KLF8: variants seen among roughly 807,000 people sequenced by gnomAD.
The protein encoded by KLF8 is Krueppel-like factor 8.
A neutral mutation model predicts 18.2 loss-of-function variants in KLF8; 10 were observed. The ratio of observed to expected loss-of-function variants is 0.55; its 90% confidence interval spans 0.34 to 0.93. KLF8 has a LOEUF of 0.93. KLF8 is among the 40% of genes least tolerant of loss of function. The probability of loss-of-function intolerance (pLI) is 0.02; values close to 1 mark genes in which losing one functional copy is unlikely to be tolerated. For missense variants in KLF8, 264 were observed against 277.9 expected (o/e 0.95, Z 0.36); for synonymous variants, 109 against 97.3 (o/e 1.12, Z -0.71).
At chrX:56,252,813 T>C (rs1217613226) in intron 2 of KLF8, among the ~76,000 whole-genome samples, 1 of 112,423 alleles carries the variant, frequency 8.9e-6, no homozygotes, top group Non-Finnish European at 1.9e-5. Flanking sequence ...TTCTCCATAG[T>C]GGCTGTACTA....
the KLF8 span, among the ~76,000 whole-genome samples, chrX:56,159,580 A>G: frequency 8.9e-6 from 1 of 112,432 alleles, no homozygotes; most frequent in African/African-American, 3.2e-5. Flanking sequence ...TTATTGGTCC[A>G]TTCAGAGATT....
chrX:56,127,930 A>G, the KLF8 span, among the ~76,000 whole-genome samples: 1 of 111,718 alleles, frequency 9.0e-6, no homozygotes, highest in East Asian at 2.8e-4. Flanking sequence ...ATTATGCTCA[A>G]CGCTATACTA....
the KLF8 span, among the ~76,000 whole-genome samples, chrX:56,028,480 GC>G: frequency 9.0e-6 from 1 of 111,405 alleles, no homozygotes; most frequent in African/African-American, 3.3e-5. Flanking sequence ...GCAAATCTGA[GC>G]TTTCTTCTTG....
the KLF8 span, among the ~76,000 whole-genome samples, chrX:56,173,433 G>A: frequency 9.0e-6 from 1 of 111,299 alleles, no homozygotes; most frequent in Non-Finnish European, 1.9e-5. Context: ...ATTTCTGAAG[G>A]CTCTGTTCTG....
At chrX:56,214,336 A>G in the KLF8 span, among the ~76,000 whole-genome samples, 2 of 112,243 alleles carry the variant, frequency 1.8e-5, no homozygotes, top group East Asian at 5.6e-4. Flanking sequence ...TCCTGTCCCT[A>G]TCACTGTTTT....
the KLF8 span, among the ~76,000 whole-genome samples, chrX:56,110,591 C>T: frequency 9.0e-6 from 1 of 111,448 alleles, no homozygotes; most frequent in Non-Finnish European, 1.9e-5. Context: ...TTTTGATTCC[C>T]TTCTAATTTT....
At chrX:56,168,306 A>T in the KLF8 span, among the ~76,000 whole-genome samples, 1 of 111,772 alleles carries the variant, frequency 8.9e-6, no homozygotes, top group Non-Finnish European at 1.9e-5. Context: ...TTCTATGGAC[A>T]ATAGTATCAA....
At chrX:55,946,827 G>T in the KLF8 span, among the ~76,000 whole-genome samples, 1 of 111,211 alleles carries the variant, frequency 9.0e-6, no homozygotes, top group East Asian at 2.8e-4. Context: ...GTGGGCAAAG[G>T]ACATGAACAG....
At chrX:56,034,802 C>T in the KLF8 span, among the ~76,000 whole-genome samples, 1 of 80,569 alleles carries the variant, frequency 1.2e-5, no homozygotes, top group African/African-American at 4.7e-5. Flanking sequence ...GTGGCCCAGG[C>T]TGGAGTGCAG....
At chrX:55,967,090 A>G in the KLF8 span, among the ~76,000 whole-genome samples, 1 of 111,815 alleles carries the variant, frequency 8.9e-6, no homozygotes, top group Non-Finnish European at 1.9e-5. Flanking sequence ...GGACAAGAAT[A>G]AAAATAAAGA....
the KLF8 span, among the ~76,000 whole-genome samples, chrX:56,081,144 C>G: frequency 8.1e-5 from 9 of 111,538 alleles, no homozygotes; most frequent in African/African-American, 2.9e-4. Context: ...CTTCTCTCAG[C>G]TTGTCAAAGT....
Position 56,265,729 on chromosome X carries a change from A to C in KLF8, c.631A>C (p.Lys211Gln), listed in dbSNP as rs1484964264. 7 of 1,198,926 alleles carry C rather than the reference A, an allele frequency of 5.8e-6. No individual in the cohort carries two copies. The highest frequency in any genetic ancestry group is 7.8e-6 in the Non-Finnish European group (7 of 892,368). ...AGTCCCACTCATTGGAGGAGATGGTAAAAATGCTGGATCAGGTAAGTAACA... is the reference window on the plus strand; with the variant it reads ...AGTCCCACTCATTGGAGGAGATGGTCAAAATGCTGGATCAGGTAAGTAACA... ...ITVPLIGGDG[K>Q]NAGSVKVDPT... The change falls in exon 3 of 6, where the codon AAA (lysine) becomes CAA (glutamine). Residue 211 changes from lysine to glutamine, a missense_variant. By Grantham distance (53) the Lys-to-Gln change is moderately conservative. Coordinates refer to ENST00000468660, the MANE Select transcript of KLF8 (RefSeq NM_007250.5).
the KLF8 span, among the ~76,000 whole-genome samples, chrX:56,164,128 G>A: frequency 1.0e-5 from 1 of 98,362 alleles, no homozygotes; most frequent in East Asian, 3.2e-4. Context: ...TTAAACAACA[G>A]CAAGAACAAA....
chrX:56,153,787 C>G, the KLF8 span, among the ~76,000 whole-genome samples: 1 of 111,284 alleles, frequency 9.0e-6, no homozygotes, highest in Non-Finnish European at 1.9e-5. Flanking sequence ...ACACCAATAA[C>G]AGACAAACAG....
the KLF8 span, among the ~76,000 whole-genome samples, chrX:56,202,060 C>A: frequency 1.8e-5 from 2 of 111,096 alleles, no homozygotes; most frequent in Non-Finnish European, 3.8e-5. Context: ...ACTTGACTTG[C>A]AAGTATCTGA....
the KLF8 span, among the ~76,000 whole-genome samples, chrX:56,129,373 G>A: frequency 8.9e-6 from 1 of 112,136 alleles, no homozygotes; most frequent in African/African-American, 3.2e-5. Context: ...GTGGGAAAGG[G>A]GGATTGTCCA....
the KLF8 span, among the ~76,000 whole-genome samples, chrX:56,040,037 G>A: frequency 9.1e-6 from 1 of 110,490 alleles, no homozygotes. Flanking sequence ...GCCTGTTATT[G>A]GTGCATAGGA....
the KLF8 span, among the ~76,000 whole-genome samples, chrX:56,058,469 C>T: frequency 9.1e-3 from 933 of 102,627 alleles, 8 homozygotes; most frequent in African/African-American, 0.032. Context: ...AGGTATTTCT[C>T]CTAATGCTCT....
At chrX:56,280,046 G>A (rs1205967244) in intron 5 of KLF8, among the ~76,000 whole-genome samples, 1 of 111,434 alleles carries the variant, frequency 9.0e-6, no homozygotes, top group Admixed American at 9.5e-5. Context: ...AAGACTCTTT[G>A]CTTATCTGCA....
Sources: gnomAD v4.1 joint callset for allele counts (sites outside exome capture counted in the v4.1 genomes callset) on GRCh38, gnomAD v4.1.1 for gene constraint, MANE v1.5 for transcripts, NCBI Gene and HGNC (gene_info 2026-07-23, HGNC 2026-07-21) for gene names.